TRPM7: variants seen among roughly 807,000 people sequenced by gnomAD.
The protein encoded by TRPM7 is LTRPC ion channel family member 7.
A neutral mutation model predicts 229.7 loss-of-function variants in TRPM7; 134 were observed. That is an observed-to-expected ratio of 0.58 (90% CI 0.51 to 0.67). TRPM7 has a LOEUF of 0.67. Among genes scored for constraint, TRPM7 ranks in the 30% least tolerant of loss-of-function variants. TRPM7 has a pLI of 0.00. For synonymous variants in TRPM7, 699 were observed against 715.2 expected (o/e 0.98, Z 0.36); for missense variants, 1,901 against 2,210.0 (o/e 0.86, Z 2.80).
At position 50,613,588 on chromosome 15, in the gene TRPM7, T is replaced by C. The variant is rs1338181333; in HGVS notation, c.1770+119A>G. ...GTGAGAAAATGACAATTCTAGGACA[T>C]ATCCAAAAACGAAAGGTAATTCTTA... On this transcript the variant is annotated intron_variant, in intron 15 of 38. Transcript: ENST00000646667. The C allele has an allele frequency of 1.2e-5, 9 of 767,538 alleles. No homozygotes were observed. In the East Asian group the frequency reaches 2.1e-4, roughly 18 times the overall value. 47.5% of individuals were successfully genotyped at this position (767,538 alleles called of 1,614,324 possible).
intron 11 of TRPM7, among the ~76,000 whole-genome samples, chr15:50,627,778 A>G (rs1002029114): frequency 6.6e-6 from 1 of 152,206 alleles, no homozygotes. Context: ...GATAACACTA[A>G]AGAGTCTCAT....
At chr15:50,669,594 A>G (rs1049729798) in intron 1 of TRPM7, among the ~76,000 whole-genome samples, 2 of 152,230 alleles carry the variant, frequency 1.3e-5, no homozygotes, top group African/African-American at 4.8e-5. Context: ...TAACAAAGCA[A>G]ATCGGTCATA....
chr15:50,621,278 A>G (rs28613018), intron 12 of TRPM7, among the ~76,000 whole-genome samples: 3,095 of 152,082 alleles, frequency 0.02, 125 homozygotes, highest in African/African-American at 0.071. Flanking sequence ...TTCTAAGTTA[A>G]TAAGACGTAT....
Position 50,558,329 on chromosome 15 carries a change from A to T in TRPM7, c.*3349T>A, listed in dbSNP as rs1345098509. On this transcript the variant is annotated 3_prime_UTR_variant, in exon 39 of 39. Coordinates refer to ENST00000646667, the MANE Select transcript of TRPM7 (RefSeq NM_017672.6). ...GAAGCTCAGGCGAGAGGATCACTTG[A>T]GCCCAGGAATTTGAGACCAGCGTGG... is the stretch of plus-strand genomic sequence containing the variant. 1 of 152,350 alleles carries T rather than the reference A, an allele frequency of 6.6e-6. No individual in the cohort carries two copies. The highest frequency in any genetic ancestry group is 1.5e-5 in the Non-Finnish European group (1 of 68,166). 9.4% of individuals were successfully genotyped at this position (152,350 alleles called of 1,614,324 possible). A position where few individuals can be genotyped will look rare whatever the true frequency, so the allele number is the denominator to read the frequency against.
At chr15:50,616,424 A>T (rs2060223311) in intron 13 of TRPM7, among the ~76,000 whole-genome samples, 2 of 152,206 alleles carry the variant, frequency 1.3e-5, no homozygotes, top group African/African-American at 4.8e-5. Context: ...CCATTACTTA[A>T]GATTTCTAGG....
At chr15:50,619,870 T>C (rs1208682891) in intron 12 of TRPM7, 72 bp from the exon 13 acceptor site, 1 of 1,261,084 alleles carries the variant, frequency 7.9e-7, no homozygotes, top group Non-Finnish European at 1.1e-6. Flanking sequence ...AGGATTTTTA[T>C]GAACCTTCTT....
intron 3 of TRPM7, among the ~76,000 whole-genome samples, chr15:50,651,087 T>C (rs1194302663): frequency 6.6e-6 from 1 of 151,780 alleles, no homozygotes; most frequent in Non-Finnish European, 1.5e-5. Context: ...CTTGGGAAGC[T>C]GAGATGGGAG....
At chr15:50,633,061 G>T in intron 8 of TRPM7, 69 bp from the exon 9 acceptor site, 1 of 1,420,546 alleles carries the variant, frequency 7.0e-7, no homozygotes. Context: ...ATGAAGTACA[G>T]GTAGATCCAT....
intron 1 of TRPM7, 113 bp downstream of exon 1, chr15:50,686,418 A>G (rs1206667529): frequency 1.3e-6 from 2 of 1,565,860 alleles, no homozygotes; most frequent in African/African-American, 2.7e-5. Context: ...AGGCAATTCG[A>G]GGGTCCTTCG....
At chr15:50,664,288 G>A (rs866111562) in intron 1 of TRPM7, among the ~76,000 whole-genome samples, 8 of 128,294 alleles carry the variant, frequency 6.2e-5, no homozygotes, top group African/African-American at 2.1e-4. Flanking sequence ...CCAGCCTGGC[G>A]ACAGAGCAAG....
chr15:50,581,207 A>G (rs2054391855), intron 29 of TRPM7, among the ~76,000 whole-genome samples: 1 of 152,168 alleles, frequency 6.6e-6, no homozygotes, highest in Non-Finnish European at 1.5e-5. Context: ...CTCTTAAAAT[A>G]TATATTTGTG....
In TRPM7 at chr15:50,639,514, T is replaced by A. The variant is rs759347117; in HGVS notation, c.570A>T (p.Glu190Asp). ...VAKHVGDALK[E>D]HASRSSRKIC... ...TCTTTCGAGATGATCTGGAAGCATG[T>A]TCTTTGAGGGCATCTCCAACATGTT... Residue 190 changes from glutamate to aspartate, a missense_variant, in exon 6 of 39, where the codon GAA becomes GAT. By Grantham distance (45) the Glu-to-Asp change is conservative (BLOSUM62 2). Around this residue, in one of 8 missense-constraint regions of TRPM7, gnomAD observed 794 missense variants for 881.9 expected, o/e 0.90. Transcript: ENST00000646667. 1 of 1,611,590 alleles carries A rather than the reference T, an allele frequency of 6.2e-7. No individual in the cohort carries two copies. Among genetic ancestry groups the A allele is most frequent in the Admixed American group, 1.7e-5 (1 of 59,956 alleles).
At chr15:50,678,010 C>A (rs905588585) in intron 1 of TRPM7, among the ~76,000 whole-genome samples, 1 of 151,774 alleles carries the variant, frequency 6.6e-6, no homozygotes, top group Non-Finnish European at 1.5e-5. Flanking sequence ...GAGGCCGAGG[C>A]GGGCGGATCA....
intron 1 of TRPM7, among the ~76,000 whole-genome samples, chr15:50,671,052 A>G (rs1412939012): frequency 4.6e-5 from 7 of 152,112 alleles, no homozygotes; most frequent in African/African-American, 1.7e-4. Flanking sequence ...CTCACATACT[A>G]TTTTTTTGTG....
At chr15:50,588,668 T>C (rs1245332684) in intron 27 of TRPM7, among the ~76,000 whole-genome samples, 1 of 152,202 alleles carries the variant, frequency 6.6e-6, no homozygotes, top group Non-Finnish European at 1.5e-5. Flanking sequence ...GTAAGTTCTT[T>C]AAGGGCTAGA....
chr15:50,679,538 A>ATTTTTT (rs58783893), intron 1 of TRPM7, among the ~76,000 whole-genome samples: 1 of 43,900 alleles, frequency 2.3e-5, no homozygotes, highest in African/African-American at 1.1e-4. Context: ...ATATATATAT[A>ATTTTTT]TTTTTTTTTT....
chr15:50,609,497 T>C, intron 19 of TRPM7, 84 bp downstream of exon 19: 1 of 1,306,908 alleles, frequency 7.7e-7, no homozygotes. Flanking sequence ...CTAAGTTATA[T>C]CAACATTAGT....
rs1472389636 is a variant in TRPM7 at position 50,575,917 on chromosome 15, G to T, written c.4621C>A (p.Leu1541Ile). The T allele has an allele frequency of 5.0e-6, 8 of 1,612,914 alleles. No individual in the cohort carries two copies. Among genetic ancestry groups the T allele is most frequent in the Admixed American group, 1.7e-5 (1 of 59,942 alleles). ...ATAGCTGGCTTAAATGGAGAAGTGAGACCTAGAATGGCAAATAAACAAACG... is the reference window on the plus strand; with the variant it reads ...ATAGCTGGCTTAAATGGAGAAGTGATACCTAGAATGGCAAATAAACAAACG... ...MPSEEGTLNG[L>I]TSPFKPAMDT... is the part of the protein sequence containing the mutation. Residue 1541 changes from leucine to isoleucine, a missense_variant and splice_region_variant, in exon 32 of 39, where the codon CTC (leucine) becomes ATC (isoleucine). Leu to Ile is a conservative substitution (Grantham distance 5). Around this residue, in one of 8 missense-constraint regions of TRPM7, gnomAD observed 533 missense variants for 497.1 expected, o/e 1.07. Transcript: ENST00000646667.
At chr15:50,629,839 T>C (rs1168843708) in intron 10 of TRPM7, among the ~76,000 whole-genome samples, 1 of 150,566 alleles carries the variant, frequency 6.6e-6, no homozygotes, top group Admixed American at 6.7e-5. Flanking sequence ...AATTCATGAA[T>C]ATGGTACTCT....
Sources: gnomAD v4.1 joint callset for allele counts (sites outside exome capture counted in the v4.1 genomes callset) on GRCh38, gnomAD v4.1.1 for gene constraint, gnomAD v4.1.1 regional missense constraint, MANE v1.5 for transcripts, NCBI Gene and HGNC (gene_info 2026-07-23, HGNC 2026-07-21) for gene names.